The following FAAH2 variants were observed in gnomAD, a reference collection of about 807,000 sequenced individuals.
FAAH2 encodes the protein fatty acid amide hydrolase 2.
A neutral mutation model predicts 36.9 loss-of-function variants in FAAH2; 60 were observed. That is an observed-to-expected ratio of 1.63 (90% CI 1.32 to 2.02). The LOEUF is 2.02. FAAH2 is among the 30% of genes most tolerant of loss of function. FAAH2 has a pLI of 0.00. For synonymous variants in FAAH2, 214 were observed against 143.8 expected, an observed-to-expected ratio of 1.49 and a Z score of -3.49; for missense variants, 689 against 397.5, an observed-to-expected ratio of 1.73 and a Z score of -6.23.
intron 7 of FAAH2, among the ~76,000 whole-genome samples, chrX:57,385,159 T>C (rs1443390786): frequency 9.2e-6 from 1 of 109,066 alleles, no homozygotes; most frequent in Non-Finnish European, 1.9e-5. Flanking sequence ...AAGGATAGCA[T>C]TAGGAGATAT....
chrX:57,253,268 G>A, the FAAH2 span, among the ~76,000 whole-genome samples: 1 of 110,721 alleles, frequency 9.0e-6, no homozygotes, highest in Non-Finnish European at 1.9e-5. Flanking sequence ...ATGGGACTAT[G>A]TGGAAAGACC....
At chrX:57,336,360 T>C (rs2053552055) in intron 4 of FAAH2, among the ~76,000 whole-genome samples, 1 of 111,166 alleles carries the variant, frequency 9.0e-6, no homozygotes, top group African/African-American at 3.3e-5. Context: ...GACTCTCTTT[T>C]CAGACTCAGC....
intron 10 of FAAH2, among the ~76,000 whole-genome samples, chrX:57,459,565 C>T (rs2056921141): frequency 8.9e-6 from 1 of 112,186 alleles, no homozygotes; most frequent in African/African-American, 3.2e-5. Context: ...GACCTCTCAA[C>T]AGGGTTTGAC....
At chrX:57,368,891 AT>A (rs1049087004) in intron 5 of FAAH2, among the ~76,000 whole-genome samples, 3 of 110,473 alleles carry the variant, frequency 2.7e-5, no homozygotes, top group Middle Eastern at 4.2e-3. Context: ...GAAATTTCTA[AT>A]TTTTTTTAAA....
chrX:57,200,275 C>T, the FAAH2 span, among the ~76,000 whole-genome samples: 2 of 108,515 alleles, frequency 1.8e-5, no homozygotes, highest in East Asian at 5.8e-4. Context: ...TTACAATAGG[C>T]TTGCAAATAA....
intron 7 of FAAH2, among the ~76,000 whole-genome samples, chrX:57,422,124 A>C (rs748454521): frequency 1.8e-5 from 2 of 111,855 alleles, no homozygotes; most frequent in Non-Finnish European, 3.8e-5. Flanking sequence ...ACCAGATACC[A>C]GGGGATGTGT....
At chrX:57,252,734 G>T in the FAAH2 span, among the ~76,000 whole-genome samples, 8 of 111,878 alleles carry the variant, frequency 7.2e-5, no homozygotes, top group African/African-American at 2.6e-4. Context: ...ACAAAAGGAC[G>T]TCTACACCAA....
At chrX:57,447,637 G>A (rs2056703063) in intron 9 of FAAH2, among the ~76,000 whole-genome samples, 3 of 112,228 alleles carry the variant, frequency 2.7e-5, no homozygotes, top group Non-Finnish European at 3.8e-5. Flanking sequence ...AAGGTTTGGG[G>A]CTTCCATCCT....
chrX:57,419,545 G>A (rs1194988023), intron 7 of FAAH2, among the ~76,000 whole-genome samples: 5 of 111,662 alleles, frequency 4.5e-5, no homozygotes, highest in Admixed American at 9.5e-5. Flanking sequence ...CCCATCCTTC[G>A]CCCACTTTTT....
At chrX:57,152,114 G>C in the FAAH2 span, among the ~76,000 whole-genome samples, 12 of 111,835 alleles carry the variant, frequency 1.1e-4, no homozygotes, top group African/African-American at 3.9e-4. Context: ...GCTGCTGCCT[G>C]ATCATTCCTC....
At chrX:57,122,647 G>A in the FAAH2 span, among the ~76,000 whole-genome samples, 1 of 112,059 alleles carries the variant, frequency 8.9e-6, no homozygotes, top group Non-Finnish European at 1.9e-5. Context: ...GTAAAAAGCA[G>A]CAAAATAAAA....
At chrX:57,297,492 CA>C (rs2052201646) in intron 2 of FAAH2, among the ~76,000 whole-genome samples, 3 of 101,858 alleles carry the variant, frequency 2.9e-5, no homozygotes, top group Admixed American at 2.2e-4. Flanking sequence ...CCAGCCACTG[CA>C]AAAACCTGCC....
chrX:57,351,915 A>T (rs775611229), intron 5 of FAAH2, among the ~76,000 whole-genome samples: 4 of 101,714 alleles, frequency 3.9e-5, no homozygotes, highest in African/African-American at 1.4e-4. Context: ...AATCATACTG[A>T]TATTATTCCA....
At chrX:57,418,667 T>C (rs1258964182) in intron 7 of FAAH2, among the ~76,000 whole-genome samples, 2 of 108,830 alleles carry the variant, frequency 1.8e-5, no homozygotes, top group African/African-American at 6.7e-5. Context: ...CCAGAGCTGT[T>C]CCTATTTGAC....
chrX:57,306,594 C>T (rs763222537), intron 2 of FAAH2, among the ~76,000 whole-genome samples: 1 of 107,259 alleles, frequency 9.3e-6, no homozygotes, highest in African/African-American at 3.4e-5. Flanking sequence ...TAACCAACCC[C>T]AGTCCTTCTT....
At chrX:57,290,508 C>G (rs2051946123) in intron 1 of FAAH2, among the ~76,000 whole-genome samples, 1 of 111,522 alleles carries the variant, frequency 9.0e-6, no homozygotes, top group Admixed American at 9.5e-5. Flanking sequence ...TTTCATAAAT[C>G]TCCCCTGTAT....
At chrX:57,207,838 C>A in the FAAH2 span, among the ~76,000 whole-genome samples, 1 of 112,679 alleles carries the variant, frequency 8.9e-6, no homozygotes, top group African/African-American at 3.2e-5. Flanking sequence ...AGCTTTTGTG[C>A]AGCATAAATC....
intron 8 of FAAH2, among the ~76,000 whole-genome samples, chrX:57,437,359 G>C (rs773299445): frequency 1.8e-5 from 2 of 110,375 alleles, no homozygotes; most frequent in African/African-American, 6.6e-5. Context: ...ATTCAACACA[G>C]TACTGAAAGT....
At chrX:57,251,030 C>T in the FAAH2 span, among the ~76,000 whole-genome samples, 1 of 111,449 alleles carries the variant, frequency 9.0e-6, no homozygotes, top group Non-Finnish European at 1.9e-5. Context: ...TAGTCCAAAG[C>T]CTGACAAGGA....
Sources: allele counts gnomAD v4.1 joint callset (sites outside exome capture counted in the v4.1 genomes callset), GRCh38; gene constraint gnomAD v4.1.1; transcripts MANE v1.5; gene names NCBI Gene and HGNC (gene_info 2026-07-23, HGNC 2026-07-21).